The following SETBP1 variants were observed in gnomAD, a reference collection of about 807,000 sequenced individuals.
SETBP1 encodes SET binding protein 1.
A neutral mutation model predicts 101.0 loss-of-function variants in SETBP1; 9 were observed. The observed-to-expected ratio is 0.09, with a 90% CI of 0.05 to 0.16. The LOEUF is 0.16. Among genes scored for constraint, SETBP1 ranks in the 10% least tolerant of loss-of-function variants. The pLI is 1.00. For synonymous variants in SETBP1, 818 were observed against 788.5 expected, an observed-to-expected ratio of 1.04 and a Z score of -0.63; for missense variants, 1,858 against 2,033.8, an observed-to-expected ratio of 0.91 and a Z score of 1.66.
intron 2 of SETBP1, among the ~76,000 whole-genome samples, chr18:44,768,715 C>T (rs536788817): frequency 5.9e-5 from 9 of 152,296 alleles, no homozygotes; most frequent in African/African-American, 2.2e-4. Flanking sequence ...AAGAAACCTA[C>T]AATTCCTGAA....
intron 2 of SETBP1, among the ~76,000 whole-genome samples, chr18:44,706,591 CAAAAA>C (rs1018470585): frequency 5.9e-4 from 10 of 16,964 alleles, no homozygotes; most frequent in African/African-American, 2.4e-3. Flanking sequence ...GACTCAATCT[CAAAAA>C]AAAAAAAAAA....
chr18:44,978,014 A>T (rs1377129056), intron 4 of SETBP1, among the ~76,000 whole-genome samples: 1 of 152,172 alleles, frequency 6.6e-6, no homozygotes, highest in East Asian at 1.9e-4. Flanking sequence ...TGAGATAACT[A>T]CACAGCATCA....
intron 3 of SETBP1, among the ~76,000 whole-genome samples, chr18:44,894,148 A>G (rs2069836719): frequency 6.6e-6 from 1 of 152,182 alleles, no homozygotes; most frequent in Non-Finnish European, 1.5e-5. Context: ...GCAGCCTCAT[A>G]GATTCCTAAC....
chr18:44,826,764 G>A (rs2072248726), intron 2 of SETBP1, among the ~76,000 whole-genome samples: 1 of 152,144 alleles, frequency 6.6e-6, no homozygotes, highest in Non-Finnish European at 1.5e-5. Flanking sequence ...TGCGGGTGGG[G>A]AGGAGTAGTG....
chr18:44,711,667 A>G (rs1054768398), intron 2 of SETBP1, among the ~76,000 whole-genome samples: 1 of 150,172 alleles, frequency 6.7e-6, no homozygotes, highest in Admixed American at 6.7e-5. Flanking sequence ...CTAGTACTGC[A>G]GGTGTGCACC....
At position 44,701,547 on chromosome 18, in the gene SETBP1, G is replaced by A; in HGVS notation, c.201G>A (p.Arg67=). Residue 67 remains arginine (R), a synonymous_variant, in exon 2 of 6, where the codon CGG becomes CGA. Coordinates refer to ENST00000649279, the MANE Select transcript of SETBP1 (RefSeq NM_015559.3). ...PEEEDELGSG[R]DVDSNSNADS... Reference sequence around the variant, plus strand: ...AGGAGGATGAACTAGGCTCAGGGCGGGATGTGGATTCCAACTCCAACGCGG... The same window carrying A: ...AGGAGGATGAACTAGGCTCAGGGCGAGATGTGGATTCCAACTCCAACGCGG... 1 of 1,614,180 alleles carries A rather than the reference G, an allele frequency of 6.2e-7. No individual in the cohort carries two copies. The highest frequency in any genetic ancestry group is 8.5e-7 in the Non-Finnish European group (1 of 1,180,020).
At chr18:44,687,549 T>A (rs1471361040) in intron 1 of SETBP1, among the ~76,000 whole-genome samples, 1 of 152,140 alleles carries the variant, frequency 6.6e-6, no homozygotes. Flanking sequence ...GTGAGCTGAA[T>A]GTGAGGACAT....
rs746220134 is a variant in SETBP1 at position 44,950,985 on chromosome 18, G to A, written c.1645G>A (p.Ala549Thr). The change falls in exon 4 of 6, where the codon GCC (alanine) becomes ACC (threonine). Residue 549 changes from alanine to threonine, a missense_variant. Physicochemically the swap from Ala to Thr is moderately conservative, Grantham distance 58. Transcript: ENST00000649279. ...CACCATGCTTCGAGAGGCAGTTATG[G>A]CCACCTCTGATAAACTGATGCTGGA... ...PSTMLREAVM[A>T]TSDKLMLEPP... 17 of 1,613,872 alleles carry A rather than the reference G, an allele frequency of 1.1e-5. No individual in the cohort carries two copies. Among genetic ancestry groups the A allele is most frequent in the South Asian group, 9.9e-5 (9 of 91,086 alleles).
chr18:44,811,207 A>T (rs1003547842), intron 2 of SETBP1, among the ~76,000 whole-genome samples: 1 of 152,250 alleles, frequency 6.6e-6, no homozygotes, highest in African/African-American at 2.4e-5. Context: ...TTATTTACTC[A>T]TGAAGAGACA....
intron 4 of SETBP1, among the ~76,000 whole-genome samples, chr18:45,007,567 G>C (rs1012981435): frequency 6.6e-6 from 1 of 151,802 alleles, no homozygotes; most frequent in Admixed American, 6.6e-5. Flanking sequence ...CTCTGCACCA[G>C]GACGCAGTCT....
intron 2 of SETBP1, among the ~76,000 whole-genome samples, chr18:44,833,926 A>G (rs1182554531): frequency 6.6e-6 from 1 of 152,280 alleles, no homozygotes; most frequent in Non-Finnish European, 1.5e-5. Flanking sequence ...CCTGCAAGGC[A>G]TGGCATGAAA....
intron 4 of SETBP1, among the ~76,000 whole-genome samples, chr18:44,984,962 GA>G (rs1478972923): frequency 6.6e-6 from 1 of 152,270 alleles, no homozygotes; most frequent in East Asian, 1.9e-4. Context: ...CCAACATGGT[GA>G]AACCCTATCT....
intron 4 of SETBP1, among the ~76,000 whole-genome samples, chr18:44,980,498 AT>A (rs1414789025): frequency 1.3e-5 from 2 of 151,852 alleles, no homozygotes; most frequent in East Asian, 1.9e-4. Context: ...AAAAAAAAAA[AT>A]CTAGTCTCTA....
At chr18:45,036,092 T>A (rs2145485661) in intron 4 of SETBP1, among the ~76,000 whole-genome samples, 1 of 152,248 alleles carries the variant, frequency 6.6e-6, no homozygotes, top group South Asian at 2.1e-4. Context: ...TCAACACTTT[T>A]GGAGGCCGAG....
chr18:45,012,648 A>T (rs1032318976), intron 4 of SETBP1, among the ~76,000 whole-genome samples: 1 of 152,180 alleles, frequency 6.6e-6, no homozygotes, highest in Non-Finnish European at 1.5e-5. Flanking sequence ...AATGTGGTAT[A>T]TATGCACACA....
chr18:45,063,847 G>A lies in SETBP1; in HGVS notation c.*149G>A. Reference sequence around the variant, plus strand: ...AGGCAGAATCCGGCCAGACGACGGGGCTGAGCCATCAGGAGCTCTTGGGAA... The same window carrying A: ...AGGCAGAATCCGGCCAGACGACGGGACTGAGCCATCAGGAGCTCTTGGGAA... On this transcript the variant is annotated 3_prime_UTR_variant, in exon 6 of 6. Transcript: ENST00000649279. The A allele has an allele frequency of 2.4e-6, 2 of 848,780 alleles. No homozygotes were observed. Among genetic ancestry groups the A allele is most frequent in the Non-Finnish European group, 1.8e-6 (1 of 556,380 alleles). The allele number at this position is 848,780 out of a possible 1,614,324, so 52.6% of individuals were successfully genotyped here. A position where few individuals can be genotyped will look rare whatever the true frequency, so the allele number is the denominator to read the frequency against.
At chr18:44,814,345 C>T (rs571457429) in intron 2 of SETBP1, among the ~76,000 whole-genome samples, 2 of 152,114 alleles carry the variant, frequency 1.3e-5, no homozygotes, top group South Asian at 2.1e-4. Context: ...GAGTTTTGGC[C>T]CAAAGAAAAC....
intron 2 of SETBP1, among the ~76,000 whole-genome samples, chr18:44,792,000 T>A (rs981834762): frequency 3.3e-5 from 5 of 152,178 alleles, no homozygotes; most frequent in Non-Finnish European, 5.9e-5. Context: ...CAGTTGGCTG[T>A]GCAGTTTCGG....
At chr18:44,936,049 A>T (rs2070949302) in intron 3 of SETBP1, among the ~76,000 whole-genome samples, 2 of 152,184 alleles carry the variant, frequency 1.3e-5, no homozygotes, top group Non-Finnish European at 2.9e-5. Context: ...TAAAACTGAA[A>T]TGTTGCTCCC....
Sources: allele counts gnomAD v4.1 joint callset (sites outside exome capture counted in the v4.1 genomes callset), GRCh38; gene constraint gnomAD v4.1.1; transcripts MANE v1.5; gene names NCBI Gene and HGNC (gene_info 2026-07-23, HGNC 2026-07-21).